USP34: variants seen among roughly 807,000 people sequenced by gnomAD.
USP34 encodes ubiquitin specific peptidase 34.
Under a neutral mutation model 460.3 loss-of-function variants are expected in USP34, and 70 were observed. The observed-to-expected ratio is 0.15, with a 90% confidence interval of 0.13 to 0.19. The LOEUF (loss-of-function observed/expected upper bound fraction) is 0.19, where lower values mean the gene tolerates loss of function less well. Among genes scored for constraint, USP34 ranks in the 10% least tolerant of loss-of-function variants. The pLI is 1.00. For synonymous variants in USP34, 1,647 were observed against 1,405.3 expected (o/e 1.17, Z -3.85); for missense variants, 3,985 against 4,236.2 (o/e 0.94, Z 1.65).
rs57231258 is a variant in USP34, at chr2:61,229,457, T to TAAAAAAAAAAAAAAA, written c.7199+76_7199+90dup. ...GGCAACATGAAGAAACCCTATCTCT[T>TAAAAAAAAAAAAAAA]AAAAAAAAAAAAAAAAAACAAAAAA... On this transcript the variant is annotated intron_variant, in intron 59 of 79. Transcript: ENST00000398571. The TAAAAAAAAAAAAAAA allele has an allele frequency of 2.5e-4, 95 of 382,010 alleles. 1 individual carries two copies. Among genetic ancestry groups the TAAAAAAAAAAAAAAA allele is most frequent in the Middle Eastern group, 7.2e-4 (1 of 1,396 alleles). The allele number at this position is 382,010 out of a possible 1,614,324, so 23.7% of individuals were successfully genotyped here.
intron 3 of USP34, among the ~76,000 whole-genome samples, chr2:61,402,936 T>C (rs1693764206): frequency 6.6e-6 from 1 of 152,170 alleles, no homozygotes; most frequent in Admixed American, 6.5e-5. Flanking sequence ...AGTTGACCCT[T>C]ACCGCATTTA....
chr2:61,348,810 A>G lies in USP34; in HGVS notation c.1620T>C (p.Asp540=). The G allele has an allele frequency of 6.2e-7, 1 of 1,613,914 alleles. No homozygotes were observed. Among genetic ancestry groups the G allele is most frequent in the Middle Eastern group, 1.7e-4 (1 of 6,056 alleles). ...GTTTGGTTCTATTAATAAGTTGCTC[A>G]TCCATTTCAATGTCACTACCTCCAC... The part of the protein sequence containing the change: ...HQSGGSDIEM[D]EQLINRTKHV... The change falls in exon 14 of 80, where the codon GAT becomes GAC. Residue 540 remains aspartate, a synonymous_variant. Coordinates refer to ENST00000398571, the MANE Select transcript of USP34 (RefSeq NM_014709.4).
Position 61,203,256 on chromosome 2 carries a change from T to C in USP34, c.9392A>G (p.Asp3131Gly), listed in dbSNP as rs748198636. The C allele has an allele frequency of 1.9e-6, 3 of 1,554,184 alleles. No homozygotes were observed. The Admixed American group carries it at 5.5e-5, about 29-fold the overall frequency. Residue 3131 changes from aspartate to glycine, a missense_variant, in exon 75 of 80, where the codon GAT (aspartate) becomes GGT (glycine). Around this residue, in one of 14 missense-constraint regions of USP34, gnomAD observed 3 missense variants for 19.4 expected, o/e 0.15. Coordinates refer to ENST00000398571, the MANE Select transcript of USP34 (RefSeq NM_014709.4). ...PTMVETSKGK[D>G]DVYDRMLLDY... ...TAGCAGCATACGATCATAAACGTCA[T>C]CTTTGCCCTGAAGGTTAAAGATGAT...
At chr2:61,221,766 A>G (rs1179428329) in intron 65 of USP34, 160 bp from the exon 66 acceptor site, 2 of 564,194 alleles carry the variant, frequency 3.5e-6, no homozygotes, top group East Asian at 6.8e-5. Context: ...ACCATAAAGC[A>G]GCAGGATCAG....
intron 10 of USP34, among the ~76,000 whole-genome samples, chr2:61,367,307 C>G (rs530960789): frequency 2.6e-5 from 4 of 151,160 alleles, no homozygotes; most frequent in Non-Finnish European, 4.4e-5. Context: ...CACGAGTGCG[C>G]GCGCACACAC....
chr2:61,312,808 T>G (rs1050818613), intron 25 of USP34, among the ~76,000 whole-genome samples: 2 of 152,136 alleles, frequency 1.3e-5, no homozygotes, highest in Non-Finnish European at 1.5e-5. Flanking sequence ...AATAACATGC[T>G]CTCTTGCTGT....
intron 1 of USP34, among the ~76,000 whole-genome samples, chr2:61,464,474 G>C (rs769495114): frequency 2.0e-5 from 3 of 152,154 alleles, no homozygotes; most frequent in African/African-American, 7.2e-5. Context: ...TTCACCAAAT[G>C]GTATTGGGAT....
chr2:61,311,474 G>GAAAGAAAAAGAAAAA (rs1182665568), intron 27 of USP34, 66 bp downstream of exon 27: 168 of 1,427,680 alleles, frequency 1.2e-4, no homozygotes, highest in African/African-American at 8.8e-4. Context: ...GGAGAAAAGA[G>GAAAGAAAAAGAAAAA]AAAGAGAAAG....
At chr2:61,190,459 G>C in intron 77 of USP34, 45 bp from the exon 78 acceptor site, 1 of 1,602,510 alleles carries the variant, frequency 6.2e-7, no homozygotes, top group Non-Finnish European at 8.5e-7. Context: ...CCAGCATAAT[G>C]AAACCACAAG....
chr2:61,370,608 TA>T (rs761992455), intron 8 of USP34, 29 bp from the exon 9 acceptor site: 8 of 1,589,146 alleles, frequency 5.0e-6, no homozygotes, highest in Admixed American at 1.8e-5. Flanking sequence ...AATAGTACAT[TA>T]AAAAAAATTG....
intron 12 of USP34, among the ~76,000 whole-genome samples, chr2:61,349,655 A>G (rs1036256250): frequency 6.6e-6 from 1 of 152,146 alleles, no homozygotes; most frequent in African/African-American, 2.4e-5. Context: ...CCTGGCTAAC[A>G]CGGTGAAACC....
chr2:61,188,858 A>G (rs1243844401), intron 79 of USP34, 52 bp downstream of exon 79: 1 of 1,604,440 alleles, frequency 6.2e-7, no homozygotes, highest in African/African-American at 1.3e-5. Flanking sequence ...CACCAAGTGT[A>G]TTACTCCCTC....
At chr2:61,362,393 A>T (rs1218598636) in intron 10 of USP34, among the ~76,000 whole-genome samples, 2 of 152,206 alleles carry the variant, frequency 1.3e-5, no homozygotes, top group Non-Finnish European at 2.9e-5. Context: ...GAGCCAAGAT[A>T]TGGAAAAAAA....
At chr2:61,220,978 C>T (rs1020608566) in intron 66 of USP34, among the ~76,000 whole-genome samples, 2 of 152,064 alleles carry the variant, frequency 1.3e-5, no homozygotes, top group Non-Finnish European at 2.9e-5. Flanking sequence ...CACCCATAAC[C>T]CACTCATTTC....
In USP34 at chr2:61,331,251, TTTAAC is replaced by T; in HGVS notation, c.2930+20_2930+24del. 6.3e-7 allele frequency: 1 copy of T among 1,576,932 alleles called. No homozygotes were observed. The highest frequency in any genetic ancestry group is 8.7e-7 in the Non-Finnish European group (1 of 1,153,814). ...AAGGAAAGACATCGACACAAATGTA[TTTAAC>T]CCAGTTGAGAGGTACTTACAGTGCA... On this transcript the variant is annotated intron_variant, in intron 20 of 79. Transcript: ENST00000398571.
chr2:61,461,337 G>A (rs1299529654), intron 1 of USP34, among the ~76,000 whole-genome samples: 2 of 151,256 alleles, frequency 1.3e-5, no homozygotes, highest in Non-Finnish European at 2.9e-5. Context: ...AGGTTGCAGT[G>A]AGCCGAGATG....
intron 1 of USP34, among the ~76,000 whole-genome samples, chr2:61,463,667 C>T (rs1695674759): frequency 1.3e-5 from 2 of 152,120 alleles, no homozygotes; most frequent in African/African-American, 2.4e-5. Flanking sequence ...AACCCCACAT[C>T]GACTAAAATT....
chr2:61,306,424 T>C lies in USP34; in HGVS notation c.3818-4970A>G, dbSNP rs189728987. Among the ~76,000 whole-genome samples, 119 of 152,324 alleles carry C rather than the reference T, an allele frequency of 7.8e-4. 1 individual carries two copies. Among genetic ancestry groups the C allele is most frequent in the African/African-American group, 2.4e-3 (99 of 41,582 alleles). ...TGAGGGTTCTGTTCTGTTCCACTGG[T>C]CTATATCTCTGTTTTGGTACCAGTA... On this transcript the variant is annotated intron_variant, in intron 27 of 79. Coordinates refer to ENST00000398571, the MANE Select transcript of USP34 (RefSeq NM_014709.4).
intron 1 of USP34, among the ~76,000 whole-genome samples, chr2:61,463,315 GTC>G (rs1695661943): frequency 6.6e-6 from 1 of 151,942 alleles, no homozygotes; most frequent in African/African-American, 2.4e-5. Context: ...GTGATACACT[GTC>G]TCTTAAAAAA....
Sources: gnomAD v4.1 joint callset for allele counts (sites outside exome capture counted in the v4.1 genomes callset) on GRCh38, gnomAD v4.1.1 for gene constraint, gnomAD v4.1.1 regional missense constraint, MANE v1.5 for transcripts, NCBI Gene and HGNC (gene_info 2026-07-23, HGNC 2026-07-21) for gene names.